Variants in KCNH3 observed in about 807,000 individuals in gnomAD.
KCNH3 encodes potassium voltage-gated channel subfamily H member 3.
KCNH3 carries 36 observed loss-of-function variants against 95.6 expected under a neutral mutation model. The observed-to-expected ratio is 0.38, with a 90% CI of 0.29 to 0.50. The LOEUF (loss-of-function observed/expected upper bound fraction) is 0.50. KCNH3 is among the 20% of genes least tolerant of loss of function. The pLI is 0.95. For synonymous variants in KCNH3, 620 were observed against 646.3 expected, an observed-to-expected ratio of 0.96 and a Z score of 0.62; for missense variants, 1,030 against 1,484.1, an observed-to-expected ratio of 0.69 and a Z score of 5.03.
At chr12:49,545,549 C>T (rs993834459) in intron 7 of KCNH3, among the ~76,000 whole-genome samples, 1 of 151,998 alleles carries the variant, frequency 6.6e-6, no homozygotes, top group African/African-American at 2.4e-5. Flanking sequence ...TCCGCCAGCA[C>T]GCCGGCTAAT....
chr12:49,548,816 TGC>T lies in KCNH3; in HGVS notation c.1190-77_1190-76del, dbSNP rs1938155726. ...GAAGCCATGGGGCTGGGTCTGTGTC[TGC>T]GTGTCCCCACCCCCAGGGCCCGGCA... is the stretch of plus-strand genomic sequence containing the variant. On this transcript the variant is annotated intron_variant, in intron 7 of 14. Coordinates refer to ENST00000257981, the MANE Select transcript of KCNH3 (RefSeq NM_012284.3). The T allele has an allele frequency of 3.5e-6, 5 of 1,418,754 alleles. No homozygotes were observed. The African/African-American group carries it at 7.1e-5, about 20-fold the overall frequency. 87.9% of individuals were successfully genotyped at this position (1,418,754 alleles called of 1,614,324 possible).
chr12:49,549,250 A>G (rs1292274435), intron 8 of KCNH3, 77 bp downstream of exon 8: 7 of 1,504,618 alleles, frequency 4.7e-6, no homozygotes, highest in Non-Finnish European at 6.2e-6. Flanking sequence ...CACTCCCCGG[A>G]GGGCCTGAGG....
rs757067441 is a variant in KCNH3 at position 49,555,739 on chromosome 12, C to T, written c.2256C>T (p.Pro752=). The change falls in exon 12 of 15, where the codon CCC becomes CCT. Residue 752 remains proline, a synonymous_variant. Transcript: ENST00000257981. ...SPAPADEPSS[P]LLSPGCTSSS... is the part of the protein sequence containing the mutation. ...CCCCAGCTGATGAGCCCTCCAGCCC[C>T]CTGCTGTCCCCTGGCTGCACCTCCT... 4 of 1,613,304 alleles carry T rather than the reference C, an allele frequency of 2.5e-6. No homozygotes were observed. The highest frequency in any genetic ancestry group is 2.2e-5 in the East Asian group (1 of 44,856).
At position 49,543,831 on chromosome 12, in the gene KCNH3, A is replaced by G. The variant is rs1047443231; in HGVS notation, c.824-84A>G. ...ATGGGAAGGGCCGGGGACAGTGTCAACTACTGAGAAAGTGAGCAGGTGTCC... is the reference window on the plus strand; with the variant it reads ...ATGGGAAGGGCCGGGGACAGTGTCAGCTACTGAGAAAGTGAGCAGGTGTCC... On this transcript the variant is annotated intron_variant, in intron 5 of 14. Coordinates refer to ENST00000257981, the MANE Select transcript of KCNH3 (RefSeq NM_012284.3). 11 of 1,523,572 alleles carry G rather than the reference A, an allele frequency of 7.2e-6. 1 individual carries two copies. The African/African-American group carries it at 1.5e-4, about 21-fold the overall frequency. The allele number at this position is 1,523,572 out of a possible 1,614,324, so 94.4% of individuals were successfully genotyped here.
At position 49,555,935 on chromosome 12, in the gene KCNH3, C is replaced by A; in HGVS notation, c.2452C>A (p.Pro818Thr). The change falls in exon 12 of 15, where the codon CCA becomes ACA. Residue 818 changes from proline to threonine, a missense_variant. Transcript: ENST00000257981. ...GCCCCCCATGCCATGGAATGTGCCC[C>A]CAGATCTGAGCCCCAGGTGAGCAGA... The part of the protein sequence containing the change: ...RLPPMPWNVP[P>T]DLSPRVVDGI... 3 of 1,553,800 alleles carry A rather than the reference C, an allele frequency of 1.9e-6. No individual in the cohort carries two copies. Among genetic ancestry groups the A allele is most frequent in the African/African-American group, 1.4e-5 (1 of 74,040 alleles).
chr12:49,543,724 C>G, intron 5 of KCNH3, 191 bp from the exon 6 acceptor site: 2 of 1,022,498 alleles, frequency 2.0e-6, no homozygotes, highest in Non-Finnish European at 2.8e-6. Flanking sequence ...CTCTCTGAGC[C>G]TCCATAAAAT....
In KCNH3 at chr12:49,544,290, T is replaced by C; in HGVS notation, c.1097T>C (p.Val366Ala). The C allele has an allele frequency of 1.2e-6, 2 of 1,612,284 alleles. No homozygotes were observed. The highest frequency in any genetic ancestry group is 1.7e-6 in the Non-Finnish European group (2 of 1,179,762). Residue 366 changes from valine (V) to alanine (A), a missense_variant, in exon 7 of 15, where the codon GTG becomes GCG. By Grantham distance (64) the Val-to-Ala change is moderately conservative. Around this residue, in one of 9 missense-constraint regions of KCNH3, gnomAD observed 153 missense variants for 288.5 expected, o/e 0.53. Transcript: ENST00000257981. ...GTGGTGCTGACACTGCTCATGGCCGTGTTCGCCCTGCTCGCGCACTGGGTC... is the reference window on the plus strand; with the variant it reads ...GTGGTGCTGACACTGCTCATGGCCGCGTTCGCCCTGCTCGCGCACTGGGTC... ...SAVVLTLLMA[V>A]FALLAHWVAC...
At chr12:49,546,315 T>G (rs1938059419) in intron 7 of KCNH3, 1 of 152,234 alleles carries the variant, frequency 6.6e-6, no homozygotes, top group African/African-American at 2.4e-5. Context: ...TTAGAGACTT[T>G]ACAAGTTCTT....
rs377533993 is a variant in KCNH3 at position 49,557,595 on chromosome 12, G to A, written c.2894G>A (p.Arg965His). ...SVLSGTWPHP[R>H]PGPPPLMAPW... is the part of the protein sequence containing the mutation. ...TTGAGTGGGACTTGGCCCCACCCTC[G>A]TCCGGGGCCTCCTCCCCTCATGGCA... The change falls in exon 15 of 15, where the codon CGT (arginine) becomes CAT (histidine). Residue 965 changes from arginine (R) to histidine (H), a missense_variant. Physicochemically the swap from Arg to His is conservative, Grantham distance 29. Around this residue, in one of 9 missense-constraint regions of KCNH3, gnomAD observed 464 missense variants for 493.2 expected, o/e 0.94. Transcript: ENST00000257981. The A allele has an allele frequency of 2.2e-5, 36 of 1,613,128 alleles. No homozygotes were observed. Among genetic ancestry groups the A allele is most frequent in the African/African-American group, 1.5e-4 (11 of 75,042 alleles).
chr12:49,545,522 A>G (rs112337366), intron 7 of KCNH3, among the ~76,000 whole-genome samples: 4 of 150,342 alleles, frequency 2.7e-5, no homozygotes, highest in African/African-American at 9.8e-5. Flanking sequence ...CCTCCCAGGT[A>G]GCTGGGACTA....
chr12:49,543,522 C>T lies in KCNH3; in HGVS notation c.823+4C>T, dbSNP rs745477707. 12 of 1,591,772 alleles carry T rather than the reference C, an allele frequency of 7.5e-6. No individual in the cohort carries two copies. In the East Asian group the frequency reaches 1.3e-4, roughly 18 times the overall value. On this transcript the variant is annotated splice_donor_region_variant and intron_variant, in intron 5 of 14. Coordinates refer to ENST00000257981, the MANE Select transcript of KCNH3 (RefSeq NM_012284.3). ...GTGGAGGTCCTCTTCATCCTTGGTGCGTGCACTCTGCCCCTTCCGCCCCAC... is the reference window on the plus strand; with the variant it reads ...GTGGAGGTCCTCTTCATCCTTGGTGTGTGCACTCTGCCCCTTCCGCCCCAC...
At chr12:49,549,309 G>A (rs1166971900) in intron 8 of KCNH3, 132 bp from the exon 9 acceptor site, 2 of 1,451,656 alleles carry the variant, frequency 1.4e-6, no homozygotes, top group South Asian at 1.3e-5. Context: ...GGCCGGGGGT[G>A]GGGGAGACTT....
chr12:49,546,109 G>A (rs894212334), intron 7 of KCNH3: 1 of 152,140 alleles, frequency 6.6e-6, no homozygotes, highest in Admixed American at 6.5e-5. Context: ...TTGTGTCCAC[G>A]AGACTCCTCT....
chr12:49,541,537 G>T (rs1937870519), intron 2 of KCNH3, 93 bp from the exon 3 acceptor site: 2 of 1,461,700 alleles, frequency 1.4e-6, no homozygotes, highest in Non-Finnish European at 1.9e-6. Flanking sequence ...GATCCTGCCT[G>T]TGTCTTGCCC....
Position 49,544,490 on chromosome 12 carries a change from G to C in KCNH3, c.1189+108G>C. The C allele has an allele frequency of 4.5e-6, 5 of 1,101,802 alleles. No individual in the cohort carries two copies. In the South Asian group the frequency reaches 7.0e-5, roughly 15 times the overall value. 68.3% of individuals were successfully genotyped at this position (1,101,802 alleles called of 1,614,324 possible). A position where few individuals can be genotyped will look rare whatever the true frequency, so the allele number is the denominator to read the frequency against. On this transcript the variant is annotated intron_variant, in intron 7 of 14. Transcript: ENST00000257981. ...TGTCCCTACCTGTGCAAGTCTGCAC[G>C]TGTGCAAATCAGAGAAGAGGGTGTG... is the stretch of plus-strand genomic sequence containing the variant.
intron 9 of KCNH3, 41 bp downstream of exon 9, chr12:49,549,681 C>T: frequency 6.4e-7 from 1 of 1,568,244 alleles, no homozygotes; most frequent in Non-Finnish European, 8.6e-7. Flanking sequence ...TTTGCTCCCT[C>T]AGGGGGTTTG....
chr12:49,550,043 T>TTGGCCCC, intron 9 of KCNH3, 37 bp from the exon 10 acceptor site: 1 of 1,299,540 alleles, frequency 7.7e-7, no homozygotes, highest in Non-Finnish European at 1.1e-6. Context: ...CTTCTGCCAC[T>TTGGCCCC]CCCAACCCCC....
chr12:49,545,446 A>G (rs905995933), intron 7 of KCNH3, among the ~76,000 whole-genome samples: 18 of 140,450 alleles, frequency 1.3e-4, no homozygotes, highest in Middle Eastern at 3.7e-3. Context: ...AGGCTGGAGT[A>G]CAGTGGCGTG....
At position 49,557,218 on chromosome 12, in the gene KCNH3, G is replaced by A. The variant is rs370454629; in HGVS notation, c.2611G>A (p.Glu871Lys). The A allele has an allele frequency of 1.2e-5, 20 of 1,613,834 alleles. No individual in the cohort carries two copies. Among genetic ancestry groups the A allele is most frequent in the African/African-American group, 5.3e-5 (4 of 74,868 alleles). Residue 871 changes from glutamate (E) to lysine (K), a missense_variant, in exon 14 of 15, where the codon GAG (glutamate) becomes AAG (lysine). Physicochemically the swap from Glu to Lys is moderately conservative, Grantham distance 56. Coordinates refer to ENST00000257981, the MANE Select transcript of KCNH3 (RefSeq NM_012284.3). ...GLLTVPHGPSEARNTDTLDKL... is the reference protein window; with the variant it reads ...GLLTVPHGPSKARNTDTLDKL... ...GCTCACTGTTCCCCATGGGCCCAGC[G>A]AGGCAAGGAACACAGACACACTGGA...
Sources: allele counts gnomAD v4.1 joint callset (sites outside exome capture counted in the v4.1 genomes callset), GRCh38; gene constraint gnomAD v4.1.1; regional missense constraint gnomAD v4.1.1; transcripts MANE v1.5; gene names NCBI Gene and HGNC (gene_info 2026-07-23, HGNC 2026-07-21).